Variants in GREM2 observed in about 807,000 individuals in gnomAD.
The protein encoded by GREM2 is gremlin-2.
A neutral mutation model predicts 14.2 loss-of-function variants in GREM2; 11 were observed. That is an observed-to-expected ratio of 0.78 (90% CI 0.49 to 1.28). The LOEUF (loss-of-function observed/expected upper bound fraction) is 1.28. Ranked by LOEUF, GREM2 falls within the 50% of genes most tolerant of loss-of-function variation. GREM2 has a pLI of 0.00. For missense variants in GREM2, 210 were observed against 218.5 expected (o/e 0.96, Z 0.24); for synonymous variants, 98 against 97.6 (o/e 1.00, Z -0.02).
At chr1:240,594,445 A>G (rs1345920720) in intron 1 of GREM2, among the ~76,000 whole-genome samples, 1 of 152,194 alleles carries the variant, frequency 6.6e-6, no homozygotes, top group Admixed American at 6.5e-5. Flanking sequence ...ATAAACCAGG[A>G]AAGAATATTG....
At chr1:240,500,833 A>C (rs1677555245) in intron 1 of GREM2, among the ~76,000 whole-genome samples, 1 of 152,086 alleles carries the variant, frequency 6.6e-6, no homozygotes, top group South Asian at 2.1e-4. Context: ...GTGTTTATTT[A>C]TGCCCATCTG....
intron 1 of GREM2, among the ~76,000 whole-genome samples, chr1:240,567,575 A>G (rs1368402160): frequency 6.6e-6 from 1 of 152,166 alleles, no homozygotes; most frequent in Non-Finnish European, 1.5e-5. Context: ...ATTCAACAAA[A>G]TGATTTTTCT....
intron 1 of GREM2, among the ~76,000 whole-genome samples, chr1:240,579,239 G>A (rs1679434160): frequency 6.6e-6 from 1 of 152,174 alleles, no homozygotes; most frequent in South Asian, 2.1e-4. Flanking sequence ...ATGGAAGGTT[G>A]TAACATCAAC....
At chr1:240,497,921 A>G (rs1558137306) in intron 1 of GREM2, among the ~76,000 whole-genome samples, 1 of 152,216 alleles carries the variant, frequency 6.6e-6, no homozygotes, top group Admixed American at 6.5e-5. Context: ...GAAATTATTA[A>G]CATTCTGAGT....
intron 1 of GREM2, among the ~76,000 whole-genome samples, chr1:240,499,209 CAG>C (rs1677508895): frequency 3.3e-5 from 5 of 152,180 alleles, no homozygotes; most frequent in Non-Finnish European, 5.9e-5. Flanking sequence ...TCCTTCCTGA[CAG>C]GCAAATGCAA....
intron 1 of GREM2, among the ~76,000 whole-genome samples, chr1:240,567,034 G>A (rs1033176587): frequency 1.3e-5 from 2 of 152,104 alleles, no homozygotes; most frequent in African/African-American, 2.4e-5. Context: ...AACTTCTAAA[G>A]ATGAAAACTA....
intron 1 of GREM2, among the ~76,000 whole-genome samples, chr1:240,522,706 G>A (rs772752773): frequency 2.0e-5 from 3 of 152,122 alleles, no homozygotes; most frequent in Non-Finnish European, 4.4e-5. Flanking sequence ...AGCCTGTTTG[G>A]TGAGATACAA....
chr1:240,537,793 C>T (rs1195615169), intron 1 of GREM2, among the ~76,000 whole-genome samples: 1 of 151,902 alleles, frequency 6.6e-6, no homozygotes, highest in Non-Finnish European at 1.5e-5. Flanking sequence ...CAAAAACAAA[C>T]AAACAAACAA....
chr1:240,529,688 T>TA (rs34650380), intron 1 of GREM2, among the ~76,000 whole-genome samples: 5 of 151,754 alleles, frequency 3.3e-5, no homozygotes, highest in African/African-American at 4.9e-5. Context: ...TGATTTTTTT[T>TA]AAAAAAATGG....
intron 1 of GREM2, among the ~76,000 whole-genome samples, chr1:240,562,239 G>T (rs1012588079): frequency 6.6e-6 from 1 of 152,122 alleles, no homozygotes; most frequent in African/African-American, 2.4e-5. Flanking sequence ...GTAGAGAAAT[G>T]GTCAATATAA....
chr1:240,551,481 T>C (rs1572395122), intron 1 of GREM2, among the ~76,000 whole-genome samples: 1 of 152,290 alleles, frequency 6.6e-6, no homozygotes, highest in East Asian at 1.9e-4. Context: ...CCTGAGTAGC[T>C]GGGACTACAG....
intron 1 of GREM2, among the ~76,000 whole-genome samples, chr1:240,537,682 G>A (rs940189058): frequency 6.6e-6 from 1 of 152,168 alleles, no homozygotes; most frequent in Non-Finnish European, 1.5e-5. Flanking sequence ...CTACTCGGGA[G>A]GCTGAGGCAG....
chr1:240,582,797 CAAA>C (rs112575967), intron 1 of GREM2, among the ~76,000 whole-genome samples: 2 of 139,860 alleles, frequency 1.4e-5, no homozygotes. Flanking sequence ...AACTCTGTCT[CAAA>C]AAAAAAAAAA....
intron 1 of GREM2, among the ~76,000 whole-genome samples, chr1:240,544,767 C>G (rs1678680179): frequency 6.6e-6 from 1 of 152,076 alleles, no homozygotes; most frequent in Admixed American, 6.6e-5. Context: ...ACTCTGTTCC[C>G]TTTCTCTATC....
chr1:240,598,312 C>CTTTTAAATGTCTGAAGTTGTGGGA (rs1679859238), intron 1 of GREM2, among the ~76,000 whole-genome samples: 1 of 152,156 alleles, frequency 6.6e-6, no homozygotes, highest in Non-Finnish European at 1.5e-5. Flanking sequence ...TGCCTTTGAT[C>CTTTTAAATGTCTGAAGTTGTGGGA]TTTTAAATGT....
At chr1:240,585,108 G>C (rs1057371137) in intron 1 of GREM2, among the ~76,000 whole-genome samples, 1 of 152,074 alleles carries the variant, frequency 6.6e-6, no homozygotes, top group African/African-American at 2.4e-5. Flanking sequence ...TGGTGGGGAG[G>C]GATCCTTGTA....
At chr1:240,546,073 G>A (rs1678710052) in intron 1 of GREM2, among the ~76,000 whole-genome samples, 1 of 152,168 alleles carries the variant, frequency 6.6e-6, no homozygotes, top group African/African-American at 2.4e-5. Context: ...GGTGGCGCAT[G>A]CCTGTAATCC....
rs558046151 is a variant in GREM2 at position 240,556,460 on chromosome 1, T to G, written c.-2+55424A>C. On this transcript the variant is annotated intron_variant, in intron 1 of 1. Coordinates refer to ENST00000318160, the MANE Select transcript of GREM2 (RefSeq NM_022469.4). The stretch of plus-strand genomic sequence containing the variant: ...CTTGCCCTTCAAGTAAGTTTTTGAG[T>G]GCTCTAATTTTGAATACAACCCACA... Among the ~76,000 whole-genome samples, 11 of 152,266 alleles carry G rather than the reference T, an allele frequency of 7.2e-5. No homozygotes were observed. In the South Asian group the frequency reaches 2.3e-3, roughly 32 times the overall value.
At chr1:240,510,369 C>CAAAAAAAAAAAAAAAAAAAAA (rs71170753) in intron 1 of GREM2, among the ~76,000 whole-genome samples, 1 of 59,540 alleles carries the variant, frequency 1.7e-5, no homozygotes, top group African/African-American at 6.2e-5. Context: ...GACTCCGTCG[C>CAAAAAAAAAAAAAAAAAAAAA]AAAAAAAAAA....
Sources: allele counts gnomAD v4.1 joint callset (sites outside exome capture counted in the v4.1 genomes callset), GRCh38; gene constraint gnomAD v4.1.1; transcripts MANE v1.5; gene names NCBI Gene and HGNC (gene_info 2026-07-23, HGNC 2026-07-21).